KCNAB1: variants seen among roughly 807,000 people sequenced by gnomAD.
KCNAB1 encodes potassium voltage-gated channel subfamily A regulatory beta subunit 1.
Under a neutral mutation model 64.6 loss-of-function variants are expected in KCNAB1, and 35 were observed. The ratio of observed to expected loss-of-function variants is 0.54; its 90% CI spans 0.41 to 0.72. The LOEUF is 0.72. Ranked by LOEUF, KCNAB1 falls within the 30% of genes least tolerant of loss-of-function variation. KCNAB1 has a pLI of 0.00. For synonymous variants in KCNAB1, 177 were observed against 183.8 expected (o/e 0.96, Z 0.30); for missense variants, 401 against 512.9 (o/e 0.78, Z 2.11).
chr3:156,388,699 A>C (rs1403595687), intron 1 of KCNAB1, among the ~76,000 whole-genome samples: 1 of 152,250 alleles, frequency 6.6e-6, no homozygotes, highest in Non-Finnish European at 1.5e-5. Context: ...CACATTCTTC[A>C]CAACAGAAAA....
At chr3:156,393,500 C>A (rs181591345) in intron 1 of KCNAB1, among the ~76,000 whole-genome samples, 8 of 152,212 alleles carry the variant, frequency 5.3e-5, no homozygotes, top group Non-Finnish European at 8.8e-5. Flanking sequence ...ATGATATGCA[C>A]CCCTCAGCTT....
chr3:156,442,623 C>T lies in KCNAB1; in HGVS notation c.320-10276C>T, dbSNP rs1717083386. Among the ~76,000 whole-genome samples, 3 of 152,176 alleles carry T rather than the reference C, an allele frequency of 2.0e-5. No homozygotes were observed. The South Asian group carries it at 6.2e-4, about 31-fold the overall frequency. ...TTAACCCTCAAAACCTCAAGCTATGCACAGGCATTAGAAGGTCAGCCTCCA... is the reference window on the plus strand; with the variant it reads ...TTAACCCTCAAAACCTCAAGCTATGTACAGGCATTAGAAGGTCAGCCTCCA... On this transcript the variant is annotated intron_variant, in intron 2 of 13. Transcript: ENST00000490337.
At chr3:156,322,915 C>G (rs1722759238) in intron 1 of KCNAB1, among the ~76,000 whole-genome samples, 1 of 152,290 alleles carries the variant, frequency 6.6e-6, no homozygotes, top group African/African-American at 2.4e-5. Context: ...GGAGACTACA[C>G]TATAGGAGAA....
At chr3:156,389,124 C>T (rs1004122370) in intron 1 of KCNAB1, among the ~76,000 whole-genome samples, 3 of 152,148 alleles carry the variant, frequency 2.0e-5, no homozygotes, top group African/African-American at 7.2e-5. Context: ...ACTGCAGCCT[C>T]TCATGACAAG....
intron 1 of KCNAB1, among the ~76,000 whole-genome samples, chr3:156,221,690 A>C (rs750144379): frequency 6.6e-6 from 1 of 151,780 alleles, no homozygotes; most frequent in Non-Finnish European, 1.5e-5. Flanking sequence ...AGGTGGGAGA[A>C]TTGCTTGAAT....
At chr3:156,430,301 G>A (rs527610266) in intron 2 of KCNAB1, among the ~76,000 whole-genome samples, 1 of 152,308 alleles carries the variant, frequency 6.6e-6, no homozygotes, top group South Asian at 2.1e-4. Context: ...GTACACAGAG[G>A]GGTTTATTCA....
chr3:156,474,746 C>T lies in KCNAB1; in HGVS notation c.584C>T (p.Ser195Phe). The T allele has an allele frequency of 6.2e-7, 1 of 1,613,048 alleles. No homozygotes were observed. The highest frequency in any genetic ancestry group is 8.5e-7 in the Non-Finnish European group (1 of 1,179,244). The change falls in exon 8 of 14, where the codon TCC becomes TTC. Residue 195 changes from serine to phenylalanine, a missense_variant. By Grantham distance (155) the Ser-to-Phe change is radical (BLOSUM62 -2). Coordinates refer to ENST00000490337, the MANE Select transcript of KCNAB1 (RefSeq NM_172160.3). ...CTTCTGCTCCCAGGATTGAAGGGCT[C>T]CCTCCAGAGGCTGCAGCTCGAGTAT... ...RKHIIEGLKGSLQRLQLEYVD... is the reference protein window; with the variant it reads ...RKHIIEGLKGFLQRLQLEYVD...
intron 8 of KCNAB1, among the ~76,000 whole-genome samples, chr3:156,494,243 CAT>C (rs1307636529): frequency 2.0e-5 from 3 of 152,114 alleles, no homozygotes; most frequent in Non-Finnish European, 4.4e-5. Context: ...AATATGAACT[CAT>C]AGATTCTGAT....
At position 156,174,021 on chromosome 3, in the gene KCNAB1, C is replaced by A. The variant is rs186348881; in HGVS notation, c.275+53135C>A. 1.5e-3 allele frequency among the ~76,000 whole-genome samples: 227 copies of A among 152,312 alleles called. 4 individuals carry two copies. Among genetic ancestry groups the A allele is most frequent in the Admixed American group, 0.014 (207 of 15,296 alleles). On this transcript the variant is annotated intron_variant, in intron 1 of 13. Coordinates refer to ENST00000490337, the MANE Select transcript of KCNAB1 (RefSeq NM_172160.3). ...TCAGGCCTTCAGACTCGTACTGGAA[C>A]AACACCACCAACTTTCCTGAGTCTC... is the stretch of plus-strand genomic sequence containing the variant.
At chr3:156,292,082 A>T in intron 1 of KCNAB1, 2 of 1,614,020 alleles carry the variant, frequency 1.2e-6, no homozygotes, top group Non-Finnish European at 1.7e-6. Context: ...TCAGCATCAC[A>T]TTTCTCTCAA....
chr3:156,533,185 A>ATAAATGTT, intron 13 of KCNAB1, among the ~76,000 whole-genome samples: 1 of 152,368 alleles, frequency 6.6e-6, no homozygotes, highest in African/African-American at 2.4e-5. Flanking sequence ...TATTAAGTAA[A>ATAAATGTT]TAAATGTTTA....
intron 1 of KCNAB1, among the ~76,000 whole-genome samples, chr3:156,211,633 C>T (rs1410947810): frequency 6.6e-6 from 1 of 152,194 alleles, no homozygotes; most frequent in Non-Finnish European, 1.5e-5. Flanking sequence ...TATTATGCCC[C>T]ATGAAGATGG....
chr3:156,288,134 TC>T (rs1312205607), intron 1 of KCNAB1, among the ~76,000 whole-genome samples: 1 of 152,234 alleles, frequency 6.6e-6, no homozygotes, highest in East Asian at 1.9e-4. Flanking sequence ...TAGACAGTCG[TC>T]TTCTCCTGTG....
intron 5 of KCNAB1, 144 bp from the exon 6 acceptor site, chr3:156,463,558 G>T (rs1419730487): frequency 3.0e-6 from 2 of 662,782 alleles, no homozygotes; most frequent in African/African-American, 1.9e-5. Flanking sequence ...TCAGTGAGAT[G>T]GATTAACAAA....
At chr3:156,482,507 G>A (rs1480887069) in intron 8 of KCNAB1, among the ~76,000 whole-genome samples, 1 of 149,930 alleles carries the variant, frequency 6.7e-6, no homozygotes, top group Non-Finnish European at 1.5e-5. Flanking sequence ...AGTTATGGGG[G>A]TAGATTTTAG....
chr3:156,443,449 G>C (rs1225725482), intron 2 of KCNAB1, among the ~76,000 whole-genome samples: 1 of 152,178 alleles, frequency 6.6e-6, no homozygotes, highest in African/African-American at 2.4e-5. Context: ...TGGGGCTGTG[G>C]AGTGTCCACT....
intron 1 of KCNAB1, among the ~76,000 whole-genome samples, chr3:156,310,604 C>T (rs371626902): frequency 1.3e-5 from 2 of 152,120 alleles, no homozygotes; most frequent in Non-Finnish European, 2.9e-5. Context: ...GAGTTCGAGA[C>T]CATCCTGGCT....
intron 1 of KCNAB1, among the ~76,000 whole-genome samples, chr3:156,333,434 A>C (rs1576737744): frequency 6.6e-6 from 1 of 152,134 alleles, no homozygotes; most frequent in African/African-American, 2.4e-5. Flanking sequence ...TTATTTAATA[A>C]TATATCTTAA....
chr3:156,175,325 A>G (rs1712281612), intron 1 of KCNAB1, among the ~76,000 whole-genome samples: 1 of 152,196 alleles, frequency 6.6e-6, no homozygotes, highest in African/African-American at 2.4e-5. Flanking sequence ...AAAATAAAAT[A>G]CAACGTCCCT....
Sources: gnomAD v4.1 joint callset for allele counts (sites outside exome capture counted in the v4.1 genomes callset) on GRCh38, gnomAD v4.1.1 for gene constraint, MANE v1.5 for transcripts, NCBI Gene and HGNC (gene_info 2026-07-23, HGNC 2026-07-21) for gene names.